SRP68: variants seen among roughly 807,000 people sequenced by gnomAD.
The protein encoded by SRP68 is signal recognition particle 68, also known as signal recognition particle subunit SRP68.
In SRP68, 15 loss-of-function variants were observed where a neutral mutation model predicts 82.2. The observed-to-expected ratio is 0.18, with a 90% CI of 0.12 to 0.28. The LOEUF (loss-of-function observed/expected upper bound fraction) is 0.28. Among genes scored for constraint, SRP68 ranks in the 10% least tolerant of loss-of-function variants. SRP68 has a pLI of 1.00. For synonymous variants in SRP68, 261 were observed against 292.6 expected (o/e 0.89, Z 1.10); for missense variants, 595 against 780.5 (o/e 0.76, Z 2.83).
chr17:76,047,372 T>C (rs1170751537), intron 10 of SRP68, among the ~76,000 whole-genome samples: 1 of 152,222 alleles, frequency 6.6e-6, no homozygotes, highest in Non-Finnish European at 1.5e-5. Flanking sequence ...CTGGCTGTGT[T>C]CTAGTTAAGC....
In SRP68 at chr17:76,043,958, C is replaced by T; in HGVS notation, c.1395G>A (p.Arg465=). 6.2e-7 allele frequency: 1 copy of T among 1,600,172 alleles called. No homozygotes were observed. Among genetic ancestry groups the T allele is most frequent in the Non-Finnish European group, 8.5e-7 (1 of 1,176,312 alleles). Residue 465 remains arginine, a splice_region_variant and synonymous_variant, in exon 13 of 16, where the codon AGG becomes AGA. Transcript: ENST00000307877. ...CATAGGACTGAGCAATGAAAAAACA[C>T]CTGATGGGGAGGGAAAAGAGCCACA... ...GLKTLVFKAY[R]CFFIAQSYVL... is the part of the protein sequence containing the mutation.
intron 7 of SRP68, among the ~76,000 whole-genome samples, chr17:76,058,311 G>T (rs144269325): frequency 6.6e-6 from 1 of 151,592 alleles, no homozygotes; most frequent in African/African-American, 2.4e-5. Context: ...AGTACAGACG[G>T]GGTTTCTCCG....
chr17:76,067,279 C>T lies in SRP68; in HGVS notation c.303G>A (p.Lys101=). The T allele has an allele frequency of 6.2e-7, 1 of 1,613,572 alleles. No individual in the cohort carries two copies. Among genetic ancestry groups the T allele is most frequent in the Non-Finnish European group, 8.5e-7 (1 of 1,179,852 alleles). The change falls in exon 3 of 16, where the codon AAG becomes AAA. Residue 101 remains lysine (K), a synonymous_variant. Coordinates refer to ENST00000307877, the MANE Select transcript of SRP68 (RefSeq NM_014230.4). ...QRRLRKTLNF[K]MGNRHKFTGK... is the part of the protein sequence containing the mutation. ...CTGTGAATTTGTGTCTGTTACCCAT[C>T]TTGAAGTTGAGTGTTTTTCGAAGAC...
chr17:76,053,734 T>G, intron 8 of SRP68: 1 of 784,476 alleles, frequency 1.3e-6, no homozygotes, highest in Non-Finnish European at 1.5e-6. Flanking sequence ...CACTAATCTC[T>G]GAAGGAGAAG....
At position 76,066,731 on chromosome 17, in the gene SRP68, C is replaced by CTT. The variant is rs556018212; in HGVS notation, c.365+484_365+485dup. 2.6e-3 allele frequency among the ~76,000 whole-genome samples: 363 copies of CTT among 140,890 alleles called. 1 individual carries two copies. The highest frequency in any genetic ancestry group is 9.1e-3 in the African/African-American group (351 of 38,580). 92.4% of individuals were successfully genotyped at this position (140,890 alleles called of 152,430 possible). A position where few individuals can be genotyped will look rare whatever the true frequency, so the allele number is the denominator to read the frequency against. ...CTGAGACAGTGAATCTCACCCCCTC[C>CTT]TTTTTTTTTTTTTGAGATGGAGTGT... On this transcript the variant is annotated intron_variant, in intron 3 of 15. Coordinates refer to ENST00000307877, the MANE Select transcript of SRP68 (RefSeq NM_014230.4).
At chr17:76,053,673 C>G in intron 8 of SRP68, 1 of 984,676 alleles carries the variant, frequency 1.0e-6, no homozygotes, top group Non-Finnish European at 1.2e-6. Context: ...AAGGGCGGGA[C>G]TTAAGTCAGT....
At position 76,045,236 on chromosome 17, in the gene SRP68, C is replaced by T. The variant is rs181032156; in HGVS notation, c.1394+56G>A. The T allele has an allele frequency of 1.2e-5, 17 of 1,397,192 alleles. No homozygotes were observed. In the East Asian group the frequency reaches 3.9e-4, roughly 32 times the overall value. The allele number at this position is 1,397,192 out of a possible 1,614,324, so 86.5% of individuals were successfully genotyped here. A position where few individuals can be genotyped will look rare whatever the true frequency, so the allele number is the denominator to read the frequency against. On this transcript the variant is annotated intron_variant, in intron 12 of 15. Transcript: ENST00000307877. Reference sequence around the variant, plus strand: ...TCTGCTGTGGGCTGGGTCATGCTCCCAATGCTTATAGAACCTGGGAGGCGG... The same window carrying T: ...TCTGCTGTGGGCTGGGTCATGCTCCTAATGCTTATAGAACCTGGGAGGCGG...
Position 76,072,113 on chromosome 17 carries a change from G to T in SRP68, c.184+195C>A. 1 of 1,091,946 alleles carries T rather than the reference G, an allele frequency of 9.2e-7. No homozygotes were observed. The highest frequency in any genetic ancestry group is 1.3e-6 in the Non-Finnish European group (1 of 773,872). 67.6% of individuals were successfully genotyped at this position (1,091,946 alleles called of 1,614,324 possible). A position where few individuals can be genotyped will look rare whatever the true frequency, so the allele number is the denominator to read the frequency against. ...AAGAAACGGACCTAGCCAGGACGGC[G>T]AGGGGGACACGAGGAAAGACTAGTC... On this transcript the variant is annotated intron_variant, in intron 1 of 15. Coordinates refer to ENST00000307877, the MANE Select transcript of SRP68 (RefSeq NM_014230.4). This position sits in a 1 kb window ranked among gnomAD's most constrained non-coding sequence, Gnocchi z 4.5.
intron 4 of SRP68, among the ~76,000 whole-genome samples, chr17:76,062,917 T>C (rs569554379): frequency 1.2e-3 from 182 of 148,282 alleles, no homozygotes; most frequent in South Asian, 4.0e-3. Flanking sequence ...ACTACAGGTG[T>C]CCGCCACTAC....
chr17:76,058,156 A>T (rs528065076), intron 7 of SRP68, among the ~76,000 whole-genome samples: 8 of 143,064 alleles, frequency 5.6e-5, no homozygotes, highest in South Asian at 2.3e-4. Context: ...AAAAAAAAAA[A>T]TTTTTTTTTT....
rs1282844308 is a variant in SRP68 at position 76,062,652 on chromosome 17, ATATAT to A, written c.562-1083_562-1079del. Among the ~76,000 whole-genome samples the A allele has an allele frequency of 9.5e-4, 31 of 32,604 alleles. 3 individuals carry two copies. In the South Asian group the frequency reaches 9.9e-3, roughly 10 times the overall value. The allele number at this position is 32,604 out of a possible 152,430, so 21.4% of individuals were successfully genotyped here. A position where few individuals can be genotyped will look rare whatever the true frequency, so the allele number is the denominator to read the frequency against. Reference sequence around the variant, plus strand: ...CATTATATATTATATAATATACATTATATATTATATAATATACATTATATAATATA... The same window carrying A: ...CATTATATATTATATAATATACATTATATATAATATACATTATATAATATA... On this transcript the variant is annotated intron_variant, in intron 4 of 15. Coordinates refer to ENST00000307877, the MANE Select transcript of SRP68 (RefSeq NM_014230.4).
chr17:76,067,319 G>C lies in SRP68; in HGVS notation c.263C>G (p.Ser88Cys). The change falls in exon 3 of 16, where the codon TCC becomes TGC. Residue 88 changes from serine to cysteine, a missense_variant. Ser to Cys is a moderately radical substitution (Grantham distance 112, BLOSUM62 -1). Transcript: ENST00000307877. Reference protein sequence around the residue: ...GDFQRYRGYCSRRQRRLRKTL... With the variant: ...GDFQRYRGYCCRRQRRLRKTL... ...TTTTCGAAGACGTCTTTGTCTACGG[G>C]AACAGTAGCCCCTGTAAGAAACCAC... The C allele has an allele frequency of 1.2e-6, 2 of 1,612,294 alleles. No homozygotes were observed. Among genetic ancestry groups the C allele is most frequent in the Non-Finnish European group, 1.7e-6 (2 of 1,178,810 alleles).
Position 76,062,657 on chromosome 17 carries a change from T to A in SRP68, c.562-1083A>T, listed in dbSNP as rs1372156432. 1.6e-3 allele frequency among the ~76,000 whole-genome samples: 41 copies of A among 26,348 alleles called. 3 individuals carry two copies. The highest frequency in any genetic ancestry group is 0.012 in the African/African-American group (13 of 1,104). The allele number at this position is 26,348 out of a possible 152,430, so 17.3% of individuals were successfully genotyped here. On this transcript the variant is annotated intron_variant, in intron 4 of 15. Transcript: ENST00000307877. ...TATATTATATAATATACATTATATA[T>A]TATATAATATACATTATATAATATA...
chr17:76,039,926 A>C lies in SRP68; in HGVS notation c.1664T>G (p.Val555Gly), dbSNP rs762787380. 3.1e-6 allele frequency: 5 copies of C among 1,614,180 alleles called. No homozygotes were observed. In the East Asian group the frequency reaches 8.9e-5, roughly 29 times the overall value. Residue 555 changes from valine (V) to glycine (G), a missense_variant, in exon 16 of 16, where the codon GTT (valine) becomes GGT (glycine). Val to Gly is a moderately radical substitution (Grantham distance 109, BLOSUM62 -3). Transcript: ENST00000307877. ...CAGGCAGAATGTCTCAAACCGTTCA[A>C]CCAGAGGCTGGAAGTCAAATCAAAG... ...SSQVKDNKPL[V>G]ERFETFCLDP... is the part of the protein sequence containing the mutation.
At chr17:76,063,907 T>C in intron 4 of SRP68, 69 bp downstream of exon 4, 1 of 1,399,126 alleles carries the variant, frequency 7.1e-7, no homozygotes, top group Non-Finnish European at 9.8e-7. Context: ...AACTCTGTTC[T>C]GTTTAACTGC....
chr17:76,062,732 T>A (rs2066772668), intron 4 of SRP68, among the ~76,000 whole-genome samples: 1 of 2,148 alleles, frequency 4.7e-4, no homozygotes, highest in African/African-American at 3.4e-3. Context: ...ATTTATTTTA[T>A]ATATATATAT....
At chr17:76,051,141 T>C (rs1393216410) in intron 8 of SRP68, among the ~76,000 whole-genome samples, 1 of 152,230 alleles carries the variant, frequency 6.6e-6, no homozygotes, top group East Asian at 1.9e-4. Flanking sequence ...TGCACTCAGA[T>C]ATTCCACATG....
intron 3 of SRP68, among the ~76,000 whole-genome samples, chr17:76,064,808 T>C (rs1390731991): frequency 7.2e-6 from 1 of 138,724 alleles, no homozygotes; most frequent in Non-Finnish European, 1.5e-5. Flanking sequence ...GCCACTATAC[T>C]CTCGTTTGGG....
intron 3 of SRP68, among the ~76,000 whole-genome samples, chr17:76,066,458 A>T (rs2066807246): frequency 9.1e-6 from 1 of 110,002 alleles, no homozygotes; most frequent in Non-Finnish European, 1.7e-5. Flanking sequence ...TCAAAAAAAA[A>T]AAAAAACACA....
Sources: gnomAD v4.1 joint callset for allele counts (sites outside exome capture counted in the v4.1 genomes callset) on GRCh38, gnomAD v4.1.1 for gene constraint, Gnocchi (gnomAD v3.1) non-coding constraint, MANE v1.5 for transcripts, NCBI Gene and HGNC (gene_info 2026-07-23, HGNC 2026-07-21) for gene names.